Variants in XRRA1 observed in about 807,000 individuals in gnomAD.
XRRA1 encodes X-ray radiation resistance associated 1, also known as X-ray radiation resistance-associated protein 1.
Under a neutral mutation model 80.2 loss-of-function variants are expected in XRRA1, and 69 were observed. That is an observed-to-expected ratio of 0.86 (90% CI 0.71 to 1.05). XRRA1 has a LOEUF of 1.05. Among genes scored for constraint, XRRA1 ranks in the 50% least tolerant of loss-of-function variants. The pLI is 0.00. For missense variants in XRRA1, 967 were observed against 976.4 expected (o/e 0.99, Z 0.13); for synonymous variants, 348 against 389.9 (o/e 0.89, Z 1.27).
chr11:74,926,102 A>C (rs543062633), intron 7 of XRRA1, among the ~76,000 whole-genome samples: 1 of 152,336 alleles, frequency 6.6e-6, no homozygotes, highest in Non-Finnish European at 1.5e-5. Flanking sequence ...CTTCCTAGAC[A>C]AGTGTGAGGA....
intron 10 of XRRA1, among the ~76,000 whole-genome samples, chr11:74,886,281 T>G (rs1054473504): frequency 1.3e-5 from 2 of 152,174 alleles, no homozygotes; most frequent in Admixed American, 6.6e-5. Flanking sequence ...TATCTCTGTT[T>G]GCAAACAATG....
At chr11:74,919,418 A>G (rs1183709405) in intron 8 of XRRA1, 1 of 194,562 alleles carries the variant, frequency 5.1e-6, no homozygotes, top group East Asian at 1.6e-4. Flanking sequence ...TTTCCATAAC[A>G]AAATACCAAT....
chr11:74,914,114 T>C (rs1026667865), intron 8 of XRRA1, among the ~76,000 whole-genome samples: 6 of 152,216 alleles, frequency 3.9e-5, no homozygotes, highest in Admixed American at 3.9e-4. Flanking sequence ...GTCTCCCGAG[T>C]AGCTGGGATT....
intron 2 of XRRA1, among the ~76,000 whole-genome samples, chr11:74,941,401 A>T (rs181313586): frequency 1.3e-5 from 2 of 152,322 alleles, no homozygotes; most frequent in East Asian, 3.9e-4. Flanking sequence ...CTGGATAAAT[A>T]GTATTTGAGG....
intron 10 of XRRA1, among the ~76,000 whole-genome samples, chr11:74,872,456 G>C (rs1438343154): frequency 6.6e-6 from 1 of 152,208 alleles, no homozygotes; most frequent in Non-Finnish European, 1.5e-5. Flanking sequence ...CCTGGAGAAA[G>C]AGAGGAAACG....
At chr11:74,862,924 T>C (rs2042608406) in intron 11 of XRRA1, 57 bp downstream of exon 11, 3 of 1,381,462 alleles carry the variant, frequency 2.2e-6, no homozygotes, top group Non-Finnish European at 3.0e-6. Context: ...TTTGATTTTG[T>C]CTATTAAAAT....
At chr11:74,923,391 T>C (rs915280120) in intron 7 of XRRA1, among the ~76,000 whole-genome samples, 1 of 152,140 alleles carries the variant, frequency 6.6e-6, no homozygotes, top group African/African-American at 2.4e-5. Flanking sequence ...CAATCCCACT[T>C]GGCTGGAGCA....
In XRRA1 at chr11:74,848,421, C is replaced by T. The variant is rs1436963049; in HGVS notation, c.1422G>A (p.Val474=). The change falls in exon 15 of 19, where the codon GTG becomes GTA. Residue 474 remains valine, a synonymous_variant. Coordinates refer to ENST00000684022, the MANE Select transcript of XRRA1 (RefSeq NM_001378157.1). ...TTGTCGTCATGCGCGGGTGATGGAG[C>T]ACCAGAGGCTGCTTCGGCACCTTTG... ...EIPKVPKQPL[V]LHHPRMTTTK... The T allele has an allele frequency of 6.2e-7, 1 of 1,612,810 alleles. No homozygotes were observed. Among genetic ancestry groups the T allele is most frequent in the African/African-American group, 1.3e-5 (1 of 74,894 alleles).
At position 74,843,606 on chromosome 11, in the gene XRRA1, C is replaced by G. The variant is rs903710386; in HGVS notation, c.2150-153G>C. ...AAATGGCCTTTCCAGCTTGGGAAGT[C>G]ACTGACTTCCTACTGCCCCTATGCA... On this transcript the variant is annotated intron_variant, in intron 18 of 18. Transcript: ENST00000684022. 6.7e-6 allele frequency: 7 copies of G among 1,047,674 alleles called. No individual in the cohort carries two copies. In the African/African-American group the frequency reaches 1.1e-4, roughly 17 times the overall value. 64.9% of individuals were successfully genotyped at this position (1,047,674 alleles called of 1,614,324 possible). A position where few individuals can be genotyped will look rare whatever the true frequency, so the allele number is the denominator to read the frequency against.
chr11:74,891,251 A>G lies in XRRA1; in HGVS notation c.1003+14988T>C, dbSNP rs978531132. Among the ~76,000 whole-genome samples, 62 of 152,328 alleles carry G rather than the reference A, an allele frequency of 4.1e-4. 1 individual carries two copies. The highest frequency in any genetic ancestry group is 1.4e-3 in the African/African-American group (60 of 41,588). The stretch of plus-strand genomic sequence containing the variant: ...CTGGGATGCAAGGCTGGTTCAACAT[A>G]TGCAAATCAATAAACATAATCCAAC... On this transcript the variant is annotated intron_variant, in intron 10 of 18. Coordinates refer to ENST00000684022, the MANE Select transcript of XRRA1 (RefSeq NM_001378157.1).
intron 2 of XRRA1, among the ~76,000 whole-genome samples, chr11:74,942,092 A>G: frequency 6.6e-6 from 1 of 151,350 alleles, no homozygotes; most frequent in East Asian, 1.9e-4. Flanking sequence ...GTGAGACCCC[A>G]TATTTAAAAA....
intron 12 of XRRA1, among the ~76,000 whole-genome samples, chr11:74,852,594 G>T (rs554820578): frequency 6.6e-6 from 1 of 152,276 alleles, no homozygotes; most frequent in African/African-American, 2.4e-5. Flanking sequence ...TGGACAGGGG[G>T]AAAGGAGGAC....
At chr11:74,932,818 C>A (rs1943960352) in intron 5 of XRRA1, among the ~76,000 whole-genome samples, 1 of 152,170 alleles carries the variant, frequency 6.6e-6, no homozygotes, top group Admixed American at 6.6e-5. Flanking sequence ...ATTCTGAAAA[C>A]ATGAGTGCTA....
At chr11:74,896,898 T>G (rs1247062047) in intron 10 of XRRA1, among the ~76,000 whole-genome samples, 1 of 152,144 alleles carries the variant, frequency 6.6e-6, no homozygotes, top group Admixed American at 6.5e-5. Flanking sequence ...TTCAAATACC[T>G]GGAAAGCCTT....
At chr11:74,893,694 A>T (rs575799101) in intron 10 of XRRA1, among the ~76,000 whole-genome samples, 1 of 152,234 alleles carries the variant, frequency 6.6e-6, no homozygotes, top group South Asian at 2.1e-4. Context: ...ATGAGATATT[A>T]ATATCATGTA....
At chr11:74,886,045 C>T (rs2048944260) in intron 10 of XRRA1, among the ~76,000 whole-genome samples, 3 of 152,252 alleles carry the variant, frequency 2.0e-5, no homozygotes, top group East Asian at 3.9e-4. Context: ...ATAAACTAGG[C>T]ATTTAAGGAA....
chr11:74,945,664 A>T (rs1005153964), intron 1 of XRRA1, among the ~76,000 whole-genome samples: 1 of 152,096 alleles, frequency 6.6e-6, no homozygotes, highest in Non-Finnish European at 1.5e-5. Flanking sequence ...GTAGAAAAAA[A>T]AGTCAAAGTT....
chr11:74,917,675 G>A (rs1158505065), intron 8 of XRRA1, among the ~76,000 whole-genome samples: 1 of 152,096 alleles, frequency 6.6e-6, no homozygotes, highest in Non-Finnish European at 1.5e-5. Flanking sequence ...TAAGGTCCTA[G>A]GAATTAATGG....
intron 10 of XRRA1, among the ~76,000 whole-genome samples, chr11:74,904,088 A>G (rs2054084372): frequency 6.6e-6 from 1 of 152,186 alleles, no homozygotes; most frequent in Non-Finnish European, 1.5e-5. Context: ...TAAAGAACCT[A>G]AGAATGAGGT....
Sources: allele counts gnomAD v4.1 joint callset (sites outside exome capture counted in the v4.1 genomes callset), GRCh38; gene constraint gnomAD v4.1.1; transcripts MANE v1.5; gene names NCBI Gene and HGNC (gene_info 2026-07-23, HGNC 2026-07-21).